Variants in COL4A4 observed in about 807,000 individuals in gnomAD.
COL4A4 encodes collagen alpha-4(IV) chain.
A neutral mutation model predicts 192.9 loss-of-function variants in COL4A4; 105 were observed. The ratio of observed to expected loss-of-function variants is 0.54; its 90% CI spans 0.46 to 0.64. The LOEUF (loss-of-function observed/expected upper bound fraction) is 0.64. Ranked by LOEUF, COL4A4 falls within the 30% of genes least tolerant of loss-of-function variation. The probability of loss-of-function intolerance (pLI) is 0.00; values close to 1 mark genes in which losing one functional copy is unlikely to be tolerated. For missense variants in COL4A4, 1,967 were observed against 2,169.3 expected, an observed-to-expected ratio of 0.91 and a Z score of 1.85; for synonymous variants, 762 against 769.9, an observed-to-expected ratio of 0.99 and a Z score of 0.17.
chr2:227,002,628 G>A (rs1961267332), downstream of COL4A4: 1 of 152,528 alleles, frequency 6.6e-6, no homozygotes. Context: ...CCACAAGTGT[G>A]AGCCACATTA....
At chr2:227,108,925 G>A (rs2061016000) in intron 10 of COL4A4, 57 bp from the exon 11 acceptor site, 1 of 1,539,954 alleles carries the variant, frequency 6.5e-7, no homozygotes, top group South Asian at 1.1e-5. Context: ...ATCAGAATGT[G>A]CCTTCTTTTG....
chr2:227,140,391 G>A (rs905102215), intron 3 of COL4A4, among the ~76,000 whole-genome samples, 153 bp from the exon 4 acceptor site: 1 of 152,206 alleles, frequency 6.6e-6, no homozygotes, highest in African/African-American at 2.4e-5. Context: ...AACTTACACA[G>A]TAGCTTAATA....
the COL4A4 span, among the ~76,000 whole-genome samples, chr2:226,968,656 C>T: frequency 6.6e-6 from 1 of 152,190 alleles, no homozygotes; most frequent in Non-Finnish European, 1.5e-5. Context: ...TGCGCACTCT[C>T]TCCGAAACAT....
Position 227,051,056 on chromosome 2 carries a change from C to T in COL4A4, c.3071G>A (p.Gly1024Glu). ...RGEPGEKGQPGPPGPPGPPGS... is the reference protein window; with the variant it reads ...RGEPGEKGQPEPPGPPGPPGS... ...TGGAGGGCCTGGGGGTCCAGGAGGC[C>T]CTGGCTGACCTTTCTCACCAGGTTC... The change falls in exon 33 of 48, where the codon GGG becomes GAG. Residue 1024 changes from glycine (G) to glutamate (E), a missense_variant. Transcript: ENST00000396625. 6.2e-7 allele frequency: 1 copy of T among 1,614,184 alleles called. No individual in the cohort carries two copies. Among genetic ancestry groups the T allele is most frequent in the East Asian group, 2.2e-5 (1 of 44,882 alleles).
rs147947155 is a variant in COL4A4 at position 227,121,143 on chromosome 2, T to A, written c.198A>T (p.Pro66=). Residue 66 remains proline (P), a synonymous_variant, in exon 5 of 48, where the codon CCA becomes CCT. Coordinates refer to ENST00000396625, the MANE Select transcript of COL4A4 (RefSeq NM_000092.5). ...GACCCTGTGGCCCTGGTGGTCCTGG[T>A]GGACCCTGAGAAGGAAGATTAAAAA... The part of the protein sequence containing the change: ...HCVPEKGSRG[P]PGPPGPQGPI... The A allele has an allele frequency of 2.5e-6, 4 of 1,613,990 alleles. No homozygotes were observed. In the Admixed American group the frequency reaches 6.7e-5, roughly 27 times the overall value.
At position 227,045,992 on chromosome 2, in the gene COL4A4, GATATTTAGAT is replaced by G. The variant is rs781297826; in HGVS notation, c.3289+1473_3289+1482del. Among the ~76,000 whole-genome samples, 357 of 41,910 alleles carry G rather than the reference GATATTTAGAT, an allele frequency of 8.5e-3. 4 individuals carry two copies. The highest frequency in any genetic ancestry group is 0.014 in the Non-Finnish European group (309 of 22,258). 27.5% of individuals were successfully genotyped at this position (41,910 alleles called of 152,430 possible). On this transcript the variant is annotated intron_variant, in intron 35 of 47. Transcript: ENST00000396625. ...TTATATGTGTATATGTATATATTTA[GATATTTAGAT>G]ATATTTAGATAGTATATATGTATAT...
At chr2:227,085,757 G>T (rs1462468976) in intron 22 of COL4A4, among the ~76,000 whole-genome samples, 3 of 152,054 alleles carry the variant, frequency 2.0e-5, no homozygotes, top group East Asian at 1.9e-4. Context: ...CATTCGTGAG[G>T]GATCCACCCC....
At chr2:227,018,877 A>T (rs534343517) in intron 44 of COL4A4, among the ~76,000 whole-genome samples, 2 of 152,342 alleles carry the variant, frequency 1.3e-5, no homozygotes, top group African/African-American at 4.8e-5. Flanking sequence ...CCACATAAGC[A>T]CTAGACCATC....
At chr2:226,992,552 C>T in the COL4A4 span, among the ~76,000 whole-genome samples, 6 of 152,146 alleles carry the variant, frequency 3.9e-5, no homozygotes, top group African/African-American at 1.2e-4. Flanking sequence ...TCTAGAAAGC[C>T]GAACCATGCT....
intron 25 of COL4A4, among the ~76,000 whole-genome samples, chr2:227,077,626 T>C (rs1009499851): frequency 5.9e-5 from 9 of 151,374 alleles, no homozygotes; most frequent in Non-Finnish European, 1.3e-4. Context: ...ACAAACCTGC[T>C]CATTCTACAT....
At chr2:227,158,396 A>G (rs2064526029) in intron 1 of COL4A4, among the ~76,000 whole-genome samples, 1 of 152,178 alleles carries the variant, frequency 6.6e-6, no homozygotes, top group Non-Finnish European at 1.5e-5. Context: ...AACATAGGAG[A>G]AAATTTCTGC....
Position 227,098,774 on chromosome 2 carries a change from G to A in COL4A4, c.1124C>T (p.Pro375Leu), listed in dbSNP as rs1210956763. The A allele has an allele frequency of 2.5e-6, 4 of 1,614,062 alleles. No individual in the cohort carries two copies. Among genetic ancestry groups the A allele is most frequent in the Non-Finnish European group, 3.4e-6 (4 of 1,179,990 alleles). The part of the protein sequence containing the change: ...LKGPPGDPGF[P>L]GRYGETGDVG... ...ATCCCCTGTTTCTCCATAGCGGCCAGGGAACCCTGGGTCCCCTGGTGGGCC... is the reference window on the plus strand; with the variant it reads ...ATCCCCTGTTTCTCCATAGCGGCCAAGGAACCCTGGGTCCCCTGGTGGGCC... Residue 375 changes from proline (P) to leucine (L), a missense_variant, in exon 19 of 48, where the codon CCT becomes CTT. By Grantham distance (98) the Pro-to-Leu change is moderately conservative. Coordinates refer to ENST00000396625, the MANE Select transcript of COL4A4 (RefSeq NM_000092.5).
At position 227,138,133 on chromosome 2, in the gene COL4A4, A is replaced by AAATAATAATAATAATAATAATAATAAT. The variant is rs35550127; in HGVS notation, c.192+2027_192+2028insATTATTATTATTATTATTATTATTATT. Among the ~76,000 whole-genome samples the AAATAATAATAATAATAATAATAATAAT allele has an allele frequency of 1.5e-3, 220 of 147,176 alleles. 2 individuals carry two copies. The highest frequency in any genetic ancestry group is 5.4e-3 in the African/African-American group (214 of 39,516). ...AAACACAGCAAGACTCCACCTCTAC[A>AAATAATAATAATAATAATAATAATAAT]AATAATAATAATAATAATAATAATC... On this transcript the variant is annotated intron_variant, in intron 4 of 47. Transcript: ENST00000396625.
At chr2:226,986,217 C>A in the COL4A4 span, among the ~76,000 whole-genome samples, 1 of 152,072 alleles carries the variant, frequency 6.6e-6, no homozygotes, top group Non-Finnish European at 1.5e-5. Flanking sequence ...AGCCACAGAC[C>A]AAAAGAGACT....
At chr2:227,088,869 A>C (rs114971505) in intron 21 of COL4A4, 53 bp from the exon 22 acceptor site, 2 of 1,595,094 alleles carry the variant, frequency 1.3e-6, no homozygotes, top group Non-Finnish European at 1.7e-6. Context: ...AAAATCCCCA[A>C]TAAGGGCTTT....
intron 4 of COL4A4, 148 bp downstream of exon 4, chr2:227,140,013 T>C (rs999045954): frequency 4.2e-6 from 3 of 710,426 alleles, no homozygotes; most frequent in Admixed American, 4.1e-5. Flanking sequence ...TTGAGATTGC[T>C]ATTAGAATGT....
At chr2:227,045,961 ATATATT>A (rs1200924564) in intron 35 of COL4A4, among the ~76,000 whole-genome samples, 4 of 93,360 alleles carry the variant, frequency 4.3e-5, no homozygotes, top group African/African-American at 1.3e-4. Context: ...GTATATATGT[ATATATT>A]TATATGTGTA....
chr2:227,071,454 A>T (rs945556368), intron 25 of COL4A4, among the ~76,000 whole-genome samples: 1 of 152,122 alleles, frequency 6.6e-6, no homozygotes, highest in Non-Finnish European at 1.5e-5. Flanking sequence ...TAATAGTGGG[A>T]GACTTCAATA....
chr2:227,065,934 G>A (rs568826992), intron 25 of COL4A4, among the ~76,000 whole-genome samples: 7 of 152,266 alleles, frequency 4.6e-5, no homozygotes, highest in South Asian at 2.1e-4. Flanking sequence ...TCCGAGCTAC[G>A]GGGGAACATT....
Sources: allele counts gnomAD v4.1 joint callset (sites outside exome capture counted in the v4.1 genomes callset), GRCh38; gene constraint gnomAD v4.1.1; transcripts MANE v1.5; gene names NCBI Gene and HGNC (gene_info 2026-07-23, HGNC 2026-07-21).